Variants in MASTL observed in about 807,000 individuals in gnomAD.
The protein encoded by MASTL is serine/threonine-protein kinase greatwall.
In MASTL, 54 loss-of-function variants were observed where a neutral mutation model predicts 82.5. The ratio of observed to expected loss-of-function variants is 0.65; its 90% CI spans 0.53 to 0.82. The LOEUF is 0.82. Ranked by LOEUF, MASTL falls within the 40% of genes least tolerant of loss-of-function variation. MASTL has a pLI of 0.00. For synonymous variants in MASTL, 323 were observed against 368.9 expected (o/e 0.88, Z 1.43); for missense variants, 950 against 1,047.8 (o/e 0.91, Z 1.29).
Position 27,168,973 on chromosome 10 carries a change from A to G in MASTL, c.985-971A>G, listed in dbSNP as rs376582098. 5.3e-5 allele frequency among the ~76,000 whole-genome samples: 8 copies of G among 152,206 alleles called. No individual in the cohort carries two copies. The South Asian group carries it at 1.2e-3, about 24-fold the overall frequency. Reference sequence around the variant, plus strand: ...TAATCTTGTAAAAATCTTGATCACCAAGCACCAATTTGCAATATTATATAC... The same window carrying G: ...TAATCTTGTAAAAATCTTGATCACCGAGCACCAATTTGCAATATTATATAC... On this transcript the variant is annotated intron_variant, in intron 7 of 11. Coordinates refer to ENST00000375940, the MANE Select transcript of MASTL (RefSeq NM_001172303.3).
chr10:27,165,362 T>C, intron 5 of MASTL, 27 bp from the exon 6 acceptor site: 1 of 1,613,154 alleles, frequency 6.2e-7, no homozygotes, highest in South Asian at 1.1e-5. Flanking sequence ...GGTAAACCTG[T>C]TGTTTTTATT....
Position 27,170,658 on chromosome 10 carries a change from A to T in MASTL, c.1699A>T (p.Met567Leu). 6.2e-7 allele frequency: 1 copy of T among 1,609,800 alleles called. No homozygotes were observed. The highest frequency in any genetic ancestry group is 8.5e-7 in the Non-Finnish European group (1 of 1,178,860). ...TGATAGAGCTTCTAAAAATATTTCT[A>T]TGAACTCTGATTCATCTTTTCCTGG... ...DDDRASKNIS[M>L]NSDSSFPGIS... The change falls in exon 8 of 12, where the codon ATG becomes TTG. Residue 567 changes from methionine to leucine, a missense_variant. Met to Leu is a conservative substitution (Grantham distance 15). Transcript: ENST00000375940.
intron 6 of MASTL, 122 bp downstream of exon 6, chr10:27,165,661 G>A: frequency 8.8e-7 from 1 of 1,140,984 alleles, no homozygotes; most frequent in Non-Finnish European, 1.3e-6. Context: ...CATCCAGGCT[G>A]GAGTGCAATG....
Position 27,186,854 on chromosome 10 carries a change from T to G in MASTL, c.*318T>G. The G allele has an allele frequency of 2.9e-6, 1 of 341,252 alleles. No homozygotes were observed. The highest frequency in any genetic ancestry group is 3.0e-5 in the South Asian group (1 of 33,704). 21.1% of individuals were successfully genotyped at this position (341,252 alleles called of 1,614,324 possible). On this transcript the variant is annotated 3_prime_UTR_variant, in exon 12 of 12. Transcript: ENST00000375940. ...AGAGTGAGCCACTAGCTTGATTTTCTTTCTCCTCTGATTTCAGTTCACTGT... is the reference window on the plus strand; with the variant it reads ...AGAGTGAGCCACTAGCTTGATTTTCGTTCTCCTCTGATTTCAGTTCACTGT...
chr10:27,155,313 G>A, upstream of MASTL: 3 of 1,058,872 alleles, frequency 2.8e-6, no homozygotes, highest in African/African-American at 1.6e-5. Flanking sequence ...CGCGGCGGCG[G>A]GGTGACGTCA....
Position 27,181,074 on chromosome 10 carries a change from T to A in MASTL, c.2380+8T>A, listed in dbSNP as rs767356352. ...AGAATATTCTGAAAAGAGGTGATTC[T>A]TTTTCTCCTATTAAGATAGTCATTT... On this transcript the variant is annotated splice_region_variant and intron_variant, in intron 10 of 11. Coordinates refer to ENST00000375940, the MANE Select transcript of MASTL (RefSeq NM_001172303.3). The A allele has an allele frequency of 3.2e-6, 5 of 1,540,524 alleles. No homozygotes were observed. Among genetic ancestry groups the A allele is most frequent in the Non-Finnish European group, 4.5e-6 (5 of 1,112,970 alleles).
rs78145663 is a variant in MASTL at position 27,173,162 on chromosome 10, G to A, written c.2169G>A (p.Pro723=). The change falls in exon 9 of 12, where the codon CCG becomes CCA. Residue 723 remains proline, a synonymous_variant. Coordinates refer to ENST00000375940, the MANE Select transcript of MASTL (RefSeq NM_001172303.3). ...AGTCGGGAACTCCATACCGAACTCCGAAGAGTGTGAGAAGAGGGGTGGCCC... is the reference window on the plus strand; with the variant it reads ...AGTCGGGAACTCCATACCGAACTCCAAAGAGTGTGAGAAGAGGGGTGGCCC... ...QIKSGTPYRT[P]KSVRRGVAPV... is the part of the protein sequence containing the mutation. 2.4e-5 allele frequency: 39 copies of A among 1,614,090 alleles called. No homozygotes were observed. Among genetic ancestry groups the A allele is most frequent in the Non-Finnish European group, 3.1e-5 (36 of 1,180,004 alleles).
intron 3 of MASTL, among the ~76,000 whole-genome samples, chr10:27,160,505 C>T (rs1481336852): frequency 6.6e-6 from 1 of 151,830 alleles, no homozygotes; most frequent in Non-Finnish European, 1.5e-5. Flanking sequence ...AATTCCAGCA[C>T]TTTGGGAGGC....
chr10:27,185,498 TG>T (rs2058650210), intron 11 of MASTL, among the ~76,000 whole-genome samples: 1 of 150,102 alleles, frequency 6.7e-6, no homozygotes. Context: ...CCAGGCTTGG[TG>T]GTACACATCT....
At chr10:27,181,968 G>C (rs1368547569) in intron 11 of MASTL, among the ~76,000 whole-genome samples, 1 of 151,302 alleles carries the variant, frequency 6.6e-6, no homozygotes, top group African/African-American at 2.4e-5. Flanking sequence ...CCAGCGACTT[G>C]GGAGGCTGAG....
At chr10:27,165,823 C>T (rs1262538853) in intron 6 of MASTL, among the ~76,000 whole-genome samples, 1 of 151,856 alleles carries the variant, frequency 6.6e-6, no homozygotes, top group Non-Finnish European at 1.5e-5. Context: ...ATCGCTTGAG[C>T]CCAGGAGGTT....
Position 27,186,652 on chromosome 10 carries a change from T to G in MASTL, c.*116T>G. 1.0e-6 allele frequency: 1 copy of G among 989,020 alleles called. No homozygotes were observed. Among genetic ancestry groups the G allele is most frequent in the East Asian group, 2.4e-5 (1 of 41,998 alleles). The allele number at this position is 989,020 out of a possible 1,614,324, so 61.3% of individuals were successfully genotyped here. ...AAGATCATTATTTAACCTAGTTCAA[T>G]GTGCTTTTAATGTACGTTACAGCTT... is the stretch of plus-strand genomic sequence containing the variant. On this transcript the variant is annotated 3_prime_UTR_variant, in exon 12 of 12. Coordinates refer to ENST00000375940, the MANE Select transcript of MASTL (RefSeq NM_001172303.3).
In MASTL at chr10:27,170,500, C is replaced by T. The variant is rs1448383696; in HGVS notation, c.1541C>T (p.Thr514Ile). The change falls in exon 8 of 12, where the codon ACT (threonine) becomes ATT (isoleucine). Residue 514 changes from threonine (T) to isoleucine (I), a missense_variant. Physicochemically the swap from Thr to Ile is moderately conservative, Grantham distance 89. Coordinates refer to ENST00000375940, the MANE Select transcript of MASTL (RefSeq NM_001172303.3). ...ANKENIVNSF[T>I]DKQQTPEKLP... ...AAGGAGAACATTGTCAATTCTTTTA[C>T]TGATAAACAACAAACACCAGAAAAA... 1.2e-6 allele frequency: 2 copies of T among 1,613,878 alleles called. No individual in the cohort carries two copies. Among genetic ancestry groups the T allele is most frequent in the Non-Finnish European group, 1.7e-6 (2 of 1,179,976 alleles).
intron 9 of MASTL, among the ~76,000 whole-genome samples, chr10:27,173,833 C>T (rs111623404): frequency 0.073 from 11,039 of 151,900 alleles, 574 homozygotes; most frequent in African/African-American, 0.15. Context: ...CCCACCTTGG[C>T]CTCCCAAAGT....
At chr10:27,183,269 TTTGTTGTTG>T (rs4018758) in intron 11 of MASTL, among the ~76,000 whole-genome samples, 312 of 150,302 alleles carry the variant, frequency 2.1e-3, no homozygotes, top group African/African-American at 4.7e-3. Flanking sequence ...TTAAAATTCT[TTTGTTGTTG>T]TTGTTGTTGT....
chr10:27,163,399 T>A (rs1038643895), intron 4 of MASTL, among the ~76,000 whole-genome samples: 6 of 152,182 alleles, frequency 3.9e-5, no homozygotes, highest in African/African-American at 1.2e-4. Context: ...TCTAAGGATT[T>A]CAGATAAGCT....
chr10:27,165,361 G>A lies in MASTL; in HGVS notation c.661-28G>A, dbSNP rs780481332. On this transcript the variant is annotated intron_variant, in intron 5 of 11. Transcript: ENST00000375940. ...GTGGTGTTTTGGGGAAGGTAAACCT[G>A]TTGTTTTTATTTTTCTCTTTTTAAT... The A allele has an allele frequency of 2.5e-6, 4 of 1,612,858 alleles. No individual in the cohort carries two copies. The African/African-American group carries it at 5.3e-5, about 22-fold the overall frequency.
chr10:27,163,884 A>G (rs2057655240), intron 4 of MASTL, among the ~76,000 whole-genome samples: 1 of 151,792 alleles, frequency 6.6e-6, no homozygotes, highest in Non-Finnish European at 1.5e-5. Context: ...CCCGCCCTGG[A>G]CTCCCAAAGT....
intron 9 of MASTL, among the ~76,000 whole-genome samples, chr10:27,180,101 A>AATT (rs1222643139): frequency 6.6e-6 from 1 of 152,228 alleles, no homozygotes; most frequent in Non-Finnish European, 1.5e-5. Context: ...TGATTATACC[A>AATT]AAATGTTCAC....
Sources: allele counts gnomAD v4.1 joint callset (sites outside exome capture counted in the v4.1 genomes callset), GRCh38; gene constraint gnomAD v4.1.1; transcripts MANE v1.5; gene names NCBI Gene and HGNC (gene_info 2026-07-23, HGNC 2026-07-21).